Variants in CHRM3 observed in about 807,000 individuals in gnomAD.
CHRM3 encodes cholinergic receptor muscarinic 3.
In CHRM3, 11 loss-of-function variants were observed where a neutral mutation model predicts 41.8. The ratio of observed to expected loss-of-function variants is 0.26; its 90% CI spans 0.17 to 0.44. The LOEUF (loss-of-function observed/expected upper bound fraction) is 0.44, where lower values mean the gene tolerates loss of function less well. CHRM3 is among the 20% of genes least tolerant of loss of function. CHRM3 has a pLI of 1.00. For synonymous variants in CHRM3, 297 were observed against 301.4 expected (o/e 0.99, Z 0.15); for missense variants, 571 against 745.4 (o/e 0.77, Z 2.72).
chr1:239,670,078 C>G (rs1674204886), intron 4 of CHRM3, among the ~76,000 whole-genome samples: 1 of 152,118 alleles, frequency 6.6e-6, no homozygotes, highest in Non-Finnish European at 1.5e-5. Flanking sequence ...TTGTTTTAAT[C>G]AACTATATTA....
intron 5 of CHRM3, among the ~76,000 whole-genome samples, chr1:239,771,525 G>A (rs111397502): frequency 1.4e-3 from 210 of 152,328 alleles, no homozygotes; most frequent in African/African-American, 4.6e-3. Context: ...ATTCGTTGCA[G>A]CCTTATTTGT....
intron 2 of CHRM3, among the ~76,000 whole-genome samples, chr1:239,536,907 A>G (rs1658259860): frequency 6.6e-6 from 1 of 152,222 alleles, no homozygotes; most frequent in Non-Finnish European, 1.5e-5. Context: ...ATGTATACTG[A>G]TAGAAAGCTT....
chr1:239,656,752 C>T (rs1323846047), intron 4 of CHRM3, among the ~76,000 whole-genome samples: 5 of 151,950 alleles, frequency 3.3e-5, no homozygotes, highest in East Asian at 1.9e-4. Flanking sequence ...ATTACTTATA[C>T]GAGTTAACAA....
chr1:239,799,365 T>C, intron 5 of CHRM3, among the ~76,000 whole-genome samples: 1 of 152,092 alleles, frequency 6.6e-6, no homozygotes, highest in East Asian at 1.9e-4. Flanking sequence ...GACCAATGCA[T>C]CATAAATGCC....
intron 3 of CHRM3, among the ~76,000 whole-genome samples, chr1:239,584,111 T>C (rs904926850): frequency 2.5e-4 from 36 of 146,770 alleles, no homozygotes; most frequent in South Asian, 4.3e-4. Context: ...TCTTCTTCTT[T>C]TTTTTTTTTT....
chr1:239,714,307 C>T (rs971938149), intron 5 of CHRM3: 4 of 152,196 alleles, frequency 2.6e-5, no homozygotes, highest in Non-Finnish European at 5.9e-5. Flanking sequence ...AAACAAAAAG[C>T]TGCTCTTCTG....
chr1:239,742,081 A>G (rs1255078857), intron 5 of CHRM3, among the ~76,000 whole-genome samples: 4 of 86,986 alleles, frequency 4.6e-5, no homozygotes, highest in Non-Finnish European at 9.2e-5. Context: ...TTATCTCTGC[A>G]GCATGCATAC....
At chr1:239,733,860 TATTTA>T (rs1262717276) in intron 5 of CHRM3, among the ~76,000 whole-genome samples, 2 of 152,092 alleles carry the variant, frequency 1.3e-5, no homozygotes. Context: ...TTATGTACCT[TATTTA>T]ATTTAATATA....
intron 5 of CHRM3, among the ~76,000 whole-genome samples, chr1:239,783,364 T>C (rs1558118711): frequency 6.6e-6 from 1 of 152,182 alleles, no homozygotes; most frequent in East Asian, 1.9e-4. Context: ...AAAATACATA[T>C]TATTATGTAT....
At chr1:239,807,591 G>A (rs1670754296) in intron 5 of CHRM3, among the ~76,000 whole-genome samples, 1 of 152,190 alleles carries the variant, frequency 6.6e-6, no homozygotes, top group Non-Finnish European at 1.5e-5. Context: ...TCTCAGGCCA[G>A]ATAAATAGTT....
At chr1:239,444,510 C>G (rs1443173058) in intron 1 of CHRM3, among the ~76,000 whole-genome samples, 7 of 151,982 alleles carry the variant, frequency 4.6e-5, no homozygotes, top group Non-Finnish European at 1.5e-5. Context: ...GAGGCCCTGC[C>G]TGGTGAGCTG....
chr1:239,828,159 C>G (rs1672606216), intron 6 of CHRM3, among the ~76,000 whole-genome samples: 1 of 152,090 alleles, frequency 6.6e-6, no homozygotes, highest in South Asian at 2.1e-4. Context: ...CATGGTGACA[C>G]AGAGATACAC....
chr1:239,701,570 G>A (rs1660690956), intron 5 of CHRM3, among the ~76,000 whole-genome samples: 1 of 152,176 alleles, frequency 6.6e-6, no homozygotes, highest in African/African-American at 2.4e-5. Flanking sequence ...TAATTACCTA[G>A]CTCAGCTATC....
intron 1 of CHRM3, among the ~76,000 whole-genome samples, chr1:239,404,408 GAAAAA>G (rs1660337571): frequency 5.2e-5 from 2 of 38,784 alleles, no homozygotes; most frequent in Admixed American, 2.9e-4. Flanking sequence ...AAGAAAGAAA[GAAAAA>G]GAAAGAAAGA....
chr1:239,473,263 G>GAA (rs200627399), intron 1 of CHRM3, among the ~76,000 whole-genome samples: 8 of 80,504 alleles, frequency 9.9e-5, no homozygotes, highest in Admixed American at 1.4e-4. Context: ...AAGCATATTT[G>GAA]AAAAAAAAAA....
chr1:239,657,736 T>C (rs1215386533), intron 4 of CHRM3, among the ~76,000 whole-genome samples: 1 of 152,240 alleles, frequency 6.6e-6, no homozygotes, highest in Non-Finnish European at 1.5e-5. Context: ...GAGGAAAATC[T>C]TTGAACCTGA....
chr1:239,909,776 T>G lies in CHRM3; in HGVS notation c.*552T>G, dbSNP rs1486613515. On this transcript the variant is annotated 3_prime_UTR_variant, in exon 7 of 7. Coordinates refer to ENST00000676153, the MANE Select transcript of CHRM3 (RefSeq NM_001375978.1). The stretch of plus-strand genomic sequence containing the variant: ...TGTTAAACTCTATTTGTGGACTTGA[T>G]TCTTGATTCTTGCAAAGTACTGTTT... 4 of 167,996 alleles carry G rather than the reference T, an allele frequency of 2.4e-5. No homozygotes were observed. The highest frequency in any genetic ancestry group is 5.8e-5 in the Non-Finnish European group (4 of 68,812). 10.4% of individuals were successfully genotyped at this position (167,996 alleles called of 1,614,324 possible).
At chr1:239,458,172 T>G (rs1665092969) in intron 1 of CHRM3, among the ~76,000 whole-genome samples, 2 of 152,204 alleles carry the variant, frequency 1.3e-5, no homozygotes, top group South Asian at 4.1e-4. Flanking sequence ...ATGTATGGTA[T>G]GTTAGGTGGT....
intron 4 of CHRM3, among the ~76,000 whole-genome samples, chr1:239,665,050 G>GA (rs1296816830): frequency 3.3e-5 from 5 of 150,790 alleles, no homozygotes; most frequent in Non-Finnish European, 7.4e-5. Context: ...TCGGTCTCTG[G>GA]AAAAAAATGG....
Sources: gnomAD v4.1 joint callset for allele counts (sites outside exome capture counted in the v4.1 genomes callset) on GRCh38, gnomAD v4.1.1 for gene constraint, MANE v1.5 for transcripts, NCBI Gene and HGNC (gene_info 2026-07-23, HGNC 2026-07-21) for gene names.